ARHGAP28: variants seen among roughly 807,000 people sequenced by gnomAD.
ARHGAP28 encodes Rho GTPase activating protein 28, also known as rho GTPase-activating protein 28.
Under a neutral mutation model 90.7 loss-of-function variants are expected in ARHGAP28, and 56 were observed. That is an observed-to-expected ratio of 0.62 (90% CI 0.50 to 0.77). ARHGAP28 has a LOEUF of 0.77. ARHGAP28 is among the 30% of genes least tolerant of loss of function. ARHGAP28 has a pLI of 0.00. For synonymous variants in ARHGAP28, 308 were observed against 323.3 expected (o/e 0.95, Z 0.51); for missense variants, 869 against 900.9 (o/e 0.96, Z 0.45).
chr18:6,770,702 C>G lies in ARHGAP28; in HGVS notation c.122+40759C>G, dbSNP rs116515680. On this transcript the variant is annotated intron_variant, in intron 1 of 17. Transcript: ENST00000383472. ...CTGTTAAAAAATCGATATCAGACTT[C>G]TTTAGAATCTTTAATTATTCAATTA... Among the ~76,000 whole-genome samples, 745 of 152,142 alleles carry G rather than the reference C, an allele frequency of 4.9e-3. 6 individuals are homozygous for G. Among genetic ancestry groups the G allele is most frequent in the African/African-American group, 0.017 (718 of 41,494 alleles).
At chr18:6,822,882 T>C (rs1448265056) in intron 1 of ARHGAP28, among the ~76,000 whole-genome samples, 1 of 152,210 alleles carries the variant, frequency 6.6e-6, no homozygotes, top group African/African-American at 2.4e-5. Flanking sequence ...GGAAACATTA[T>C]TTTGCCTCTA....
At chr18:6,821,217 A>G (rs2056624704) in intron 1 of ARHGAP28, among the ~76,000 whole-genome samples, 1 of 152,226 alleles carries the variant, frequency 6.6e-6, no homozygotes, top group African/African-American at 2.4e-5. Context: ...AAAATATAGT[A>G]TAAGTTATGG....
intron 4 of ARHGAP28, among the ~76,000 whole-genome samples, chr18:6,853,824 G>C (rs1295373810): frequency 1.3e-5 from 2 of 152,092 alleles, no homozygotes; most frequent in East Asian, 3.9e-4. Flanking sequence ...CCTACTTCAA[G>C]TTGTTCCACC....
chr18:6,762,494 C>T (rs989076997), intron 1 of ARHGAP28, among the ~76,000 whole-genome samples: 1 of 152,216 alleles, frequency 6.6e-6, no homozygotes, highest in Non-Finnish European at 1.5e-5. Flanking sequence ...TTTCAATTCA[C>T]GCACGATATT....
chr18:6,823,140 C>T (rs9956412), intron 1 of ARHGAP28, among the ~76,000 whole-genome samples: 22 of 151,866 alleles, frequency 1.4e-4, no homozygotes, highest in African/African-American at 5.3e-4. Context: ...AACCCAAAGA[C>T]AAGAAGGCAA....
intron 1 of ARHGAP28, among the ~76,000 whole-genome samples, chr18:6,768,987 C>G (rs1404929982): frequency 6.6e-6 from 1 of 152,122 alleles, no homozygotes; most frequent in Admixed American, 6.5e-5. Context: ...GGTGGCAAGG[C>G]TAATCTAATA....
chr18:6,910,302 G>T (rs763644197), intron 17 of ARHGAP28, among the ~76,000 whole-genome samples: 7 of 152,302 alleles, frequency 4.6e-5, no homozygotes, highest in East Asian at 1.9e-4. Flanking sequence ...GCCTTTCAAG[G>T]TTGGAGAACG....
chr18:6,864,395 G>T lies in ARHGAP28; in HGVS notation c.727-3755G>T, dbSNP rs557781698. Among the ~76,000 whole-genome samples, 490 of 152,226 alleles carry T rather than the reference G, an allele frequency of 3.2e-3. 1 individual carries two copies. Among genetic ancestry groups the T allele is most frequent in the South Asian group, 6.0e-3 (29 of 4,820 alleles). ...ATTTTTTAATGGATGTAATTTAAGG[G>T]TTAGATTATTTTCTATCCCAATTTG... On this transcript the variant is annotated intron_variant, in intron 5 of 17. Coordinates refer to ENST00000383472, the MANE Select transcript of ARHGAP28 (RefSeq NM_001366230.1).
chr18:6,880,208 G>A (rs764817990), intron 10 of ARHGAP28, among the ~76,000 whole-genome samples: 5 of 152,056 alleles, frequency 3.3e-5, no homozygotes, highest in African/African-American at 4.8e-5. Flanking sequence ...GATGGAAATC[G>A]TCTTGGAAAA....
chr18:6,738,156 G>A (rs2143154062), intron 1 of ARHGAP28, among the ~76,000 whole-genome samples: 1 of 152,256 alleles, frequency 6.6e-6, no homozygotes, highest in Admixed American at 6.5e-5. Context: ...AGTGTTTCTT[G>A]AACTGTCAAA....
At chr18:6,896,705 A>C (rs2057307462) in intron 16 of ARHGAP28, 79 bp downstream of exon 16, 1 of 1,541,302 alleles carries the variant, frequency 6.5e-7, no homozygotes, top group Admixed American at 1.8e-5. Context: ...GCATTTACAA[A>C]TTTGACCTTT....
chr18:6,776,619 G>A (rs1417227609), intron 1 of ARHGAP28, among the ~76,000 whole-genome samples: 2 of 152,158 alleles, frequency 1.3e-5, no homozygotes, highest in African/African-American at 4.8e-5. Context: ...TTGACAATTT[G>A]CTGTATATGA....
At position 6,873,398 on chromosome 18, in the gene ARHGAP28, G is replaced by A. The variant is rs1009415280; in HGVS notation, c.955-11G>A. On this transcript the variant is annotated splice_polypyrimidine_tract_variant and intron_variant, in intron 7 of 17. Coordinates refer to ENST00000383472, the MANE Select transcript of ARHGAP28 (RefSeq NM_001366230.1). ...GCCATAAAAAATAAATACCTTCACT[G>A]TGTGTTTTAGAAATTTAATGTTCAG... The A allele has an allele frequency of 5.0e-6, 8 of 1,597,522 alleles. No homozygotes were observed. The highest frequency in any genetic ancestry group is 3.4e-4 in the Middle Eastern group (2 of 5,964).
At chr18:6,802,754 G>GTA (rs1354438112) in intron 1 of ARHGAP28, among the ~76,000 whole-genome samples, 1 of 152,066 alleles carries the variant, frequency 6.6e-6, no homozygotes, top group African/African-American at 2.4e-5. Context: ...CTTTGAACAA[G>GTA]TTATATCTCT....
intron 1 of ARHGAP28, among the ~76,000 whole-genome samples, chr18:6,816,530 ACCAGCATCATT>A (rs2056591780): frequency 6.6e-6 from 1 of 152,188 alleles, no homozygotes; most frequent in African/African-American, 2.4e-5. Flanking sequence ...CTGTGCTGCC[ACCAGCATCATT>A]CAACGGCAGT....
chr18:6,807,828 G>A (rs547674103), intron 1 of ARHGAP28, among the ~76,000 whole-genome samples: 55 of 152,290 alleles, frequency 3.6e-4, no homozygotes, highest in Middle Eastern at 3.4e-3. Context: ...GAGCTCCAGG[G>A]CTTCCTTGAT....
At chr18:6,784,664 A>G (rs942294793) in intron 1 of ARHGAP28, among the ~76,000 whole-genome samples, 6 of 152,334 alleles carry the variant, frequency 3.9e-5, no homozygotes, top group Non-Finnish European at 8.8e-5. Context: ...GATCATAGTC[A>G]ATTTCAGCGC....
chr18:6,907,854 C>G (rs9954518), intron 16 of ARHGAP28, among the ~76,000 whole-genome samples: 1 of 151,836 alleles, frequency 6.6e-6, no homozygotes, highest in African/African-American at 2.4e-5. Context: ...CTTAAAACTA[C>G]GTGTGAATCT....
At chr18:6,868,316 C>G in intron 6 of ARHGAP28, 82 bp downstream of exon 6, 1 of 1,273,458 alleles carries the variant, frequency 7.9e-7, no homozygotes, top group Non-Finnish European at 1.1e-6. Flanking sequence ...CAGTGAATTT[C>G]TAAAAGCGAA....
Sources: gnomAD v4.1 joint callset for allele counts (sites outside exome capture counted in the v4.1 genomes callset) on GRCh38, gnomAD v4.1.1 for gene constraint, MANE v1.5 for transcripts, NCBI Gene and HGNC (gene_info 2026-07-23, HGNC 2026-07-21) for gene names.